Variants in MAST4 observed in about 807,000 individuals in gnomAD.
MAST4 encodes microtubule associated serine/threonine kinase family member 4.
A neutral mutation model predicts 162.7 loss-of-function variants in MAST4; 89 were observed. The ratio of observed to expected loss-of-function variants is 0.55; its 90% CI spans 0.46 to 0.65. The LOEUF (loss-of-function observed/expected upper bound fraction) is 0.65, where lower values mean the gene tolerates loss of function less well. Among genes scored for constraint, MAST4 ranks in the 30% least tolerant of loss-of-function variants. MAST4 has a pLI of 0.00. For missense variants in MAST4, 3,153 were observed against 3,374.0 expected (o/e 0.93, Z 1.62); for synonymous variants, 1,479 against 1,361.1 (o/e 1.09, Z -1.91).
chr5:66,938,024 C>T (rs1742949942), intron 4 of MAST4, among the ~76,000 whole-genome samples: 1 of 151,990 alleles, frequency 6.6e-6, no homozygotes, highest in Non-Finnish European at 1.5e-5. Flanking sequence ...CCATTCAGGG[C>T]ACTTAGCTGT....
chr5:67,131,750 T>A, intron 15 of MAST4, 63 bp from the exon 16 acceptor site: 1 of 1,562,430 alleles, frequency 6.4e-7, no homozygotes, highest in Non-Finnish European at 8.7e-7. Context: ...TTCTGCAGTC[T>A]AAACTGATTT....
chr5:66,893,615 T>C (rs1762500653), intron 3 of MAST4, among the ~76,000 whole-genome samples: 1 of 152,146 alleles, frequency 6.6e-6, no homozygotes, highest in Non-Finnish European at 1.5e-5. Context: ...TTAAATAAAA[T>C]CTGTAAAAAG....
chr5:67,142,271 G>T (rs1327514078), intron 20 of MAST4, 34 bp downstream of exon 20: 1 of 1,605,654 alleles, frequency 6.2e-7, no homozygotes, highest in Admixed American at 1.7e-5. Flanking sequence ...ACATTGTTTG[G>T]CCTTTACTCG....
At chr5:66,886,448 CTT>C (rs1762044605) in intron 3 of MAST4, among the ~76,000 whole-genome samples, 1 of 152,018 alleles carries the variant, frequency 6.6e-6, no homozygotes, top group African/African-American at 2.4e-5. Context: ...CTGCCTAAAA[CTT>C]TGTGTTGTTC....
chr5:66,685,311 C>T (rs1748583923), intron 1 of MAST4, among the ~76,000 whole-genome samples: 1 of 151,490 alleles, frequency 6.6e-6, no homozygotes, highest in Admixed American at 6.6e-5. Context: ...CAAAACCACA[C>T]ACCCCAAAAA....
At chr5:66,939,774 G>A (rs1295542091) in intron 4 of MAST4, among the ~76,000 whole-genome samples, 1 of 151,004 alleles carries the variant, frequency 6.6e-6, no homozygotes, top group Non-Finnish European at 1.5e-5. Flanking sequence ...GACCACTGCC[G>A]TAAAGTGACT....
At chr5:66,622,129 G>A (rs1744115619) in intron 1 of MAST4, among the ~76,000 whole-genome samples, 1 of 152,160 alleles carries the variant, frequency 6.6e-6, no homozygotes, top group Non-Finnish European at 1.5e-5. Flanking sequence ...TGGGGTGTGG[G>A]GTGAGGGATA....
chr5:66,897,827 A>T (rs903799353), intron 3 of MAST4, among the ~76,000 whole-genome samples: 1 of 152,194 alleles, frequency 6.6e-6, no homozygotes, highest in Non-Finnish European at 1.5e-5. Flanking sequence ...ATTTCTGATT[A>T]AAAACAGAGT....
At chr5:66,716,301 T>G (rs1409082579) in intron 1 of MAST4, among the ~76,000 whole-genome samples, 1 of 152,130 alleles carries the variant, frequency 6.6e-6, no homozygotes, top group African/African-American at 2.4e-5. Flanking sequence ...TATTTAAACC[T>G]AGGATGAACA....
At chr5:66,749,725 T>C (rs958221497) in intron 1 of MAST4, among the ~76,000 whole-genome samples, 1 of 152,234 alleles carries the variant, frequency 6.6e-6, no homozygotes, top group Non-Finnish European at 1.5e-5. Flanking sequence ...TAGATAGATA[T>C]TTATTGTTAC....
intron 2 of MAST4, among the ~76,000 whole-genome samples, chr5:66,763,293 A>G (rs1753935737): frequency 6.6e-6 from 1 of 152,196 alleles, no homozygotes. Context: ...ACTCAGTTAA[A>G]ATTTGTGGTT....
intron 4 of MAST4, among the ~76,000 whole-genome samples, chr5:67,049,650 C>T (rs1394448437): frequency 6.6e-6 from 1 of 152,132 alleles, no homozygotes; most frequent in East Asian, 1.9e-4. Context: ...GCCCCTCTTA[C>T]TCAATTCACT....
chr5:66,596,713 G>C lies in MAST4; in HGVS notation c.58G>C (p.Gly20Arg), dbSNP rs763174984. The change falls in exon 1 of 29, where the codon GGC becomes CGC. Residue 20 changes from glycine to arginine, a missense_variant. Physicochemically the swap from Gly to Arg is moderately radical, Grantham distance 125. This residue lies in a region of MAST4 where 327 missense variants were observed against 336.5 expected (regional missense o/e 0.97). Coordinates refer to ENST00000403625, the MANE Select transcript of MAST4 (RefSeq NM_001164664.2). Reference protein sequence around the residue: ...EPVPRGCSGHGSRTPASALVA... With the variant: ...EPVPRGCSGHRSRTPASALVA... ...GGTGCCCCGCGGCTGCAGTGGCCAC[G>C]GCAGCCGGACTCCAGCCTCTGCGCT... The C allele has an allele frequency of 1.2e-5, 18 of 1,448,612 alleles. No individual in the cohort carries two copies. The highest frequency in any genetic ancestry group is 1.2e-4 in the African/African-American group (8 of 68,004). 89.7% of individuals were successfully genotyped at this position (1,448,612 alleles called of 1,614,324 possible). A position where few individuals can be genotyped will look rare whatever the true frequency, so the allele number is the denominator to read the frequency against.
At chr5:66,818,758 G>A (rs1194224927) in intron 3 of MAST4, among the ~76,000 whole-genome samples, 1 of 152,196 alleles carries the variant, frequency 6.6e-6, no homozygotes, top group African/African-American at 2.4e-5. Context: ...GCAGGAAAAA[G>A]GGGAGGTGTT....
chr5:67,140,680 A>T (rs1257617862), intron 19 of MAST4, among the ~76,000 whole-genome samples: 1 of 152,214 alleles, frequency 6.6e-6, no homozygotes, highest in Non-Finnish European at 1.5e-5. Flanking sequence ...TCATTTCCAC[A>T]TCCACAAAAG....
chr5:66,916,987 G>A (rs1714519567), intron 4 of MAST4: 2 of 717,990 alleles, frequency 2.8e-6, no homozygotes. Flanking sequence ...CTATAGGATA[G>A]ATTCCCAGAA....
intron 4 of MAST4, among the ~76,000 whole-genome samples, chr5:67,039,325 G>T (rs1756431847): frequency 6.6e-6 from 1 of 152,152 alleles, no homozygotes; most frequent in Non-Finnish European, 1.5e-5. Context: ...TGACACAGTA[G>T]GGTGCCATCT....
At chr5:67,037,927 T>C (rs1225814203) in intron 4 of MAST4, among the ~76,000 whole-genome samples, 1 of 152,056 alleles carries the variant, frequency 6.6e-6, no homozygotes, top group Non-Finnish European at 1.5e-5. Context: ...TCTTCTGGTG[T>C]TTGCCTGATA....
At chr5:66,869,808 G>T (rs1391173048) in intron 3 of MAST4, among the ~76,000 whole-genome samples, 1 of 152,216 alleles carries the variant, frequency 6.6e-6, no homozygotes, top group East Asian at 1.9e-4. Flanking sequence ...TTCGCTGCTG[G>T]TGTTGACTCT....
Sources: allele counts gnomAD v4.1 joint callset (sites outside exome capture counted in the v4.1 genomes callset), GRCh38; gene constraint gnomAD v4.1.1; regional missense constraint gnomAD v4.1.1; transcripts MANE v1.5; gene names NCBI Gene and HGNC (gene_info 2026-07-23, HGNC 2026-07-21).